The following TIMMDC1 variants were observed in gnomAD, a reference collection of about 807,000 sequenced individuals.
TIMMDC1 encodes translocase of inner mitochondrial membrane domain containing 1.
A neutral mutation model predicts 32.6 loss-of-function variants in TIMMDC1; 25 were observed. That is an observed-to-expected ratio of 0.77 (90% CI 0.56 to 1.07). TIMMDC1 has a LOEUF of 1.07. Among genes scored for constraint, TIMMDC1 ranks in the 50% least tolerant of loss-of-function variants. TIMMDC1 has a pLI of 0.00. For synonymous variants in TIMMDC1, 130 were observed against 127.6 expected (o/e 1.02, Z -0.13); for missense variants, 329 against 349.2 (o/e 0.94, Z 0.46).
intron 4 of TIMMDC1, among the ~76,000 whole-genome samples, chr3:119,507,989 A>AT (rs2081929008): frequency 6.6e-6 from 1 of 152,162 alleles, no homozygotes; most frequent in Admixed American, 6.6e-5. Context: ...GAGCAGTTGC[A>AT]TTTGGATATT....
intron 4 of TIMMDC1, among the ~76,000 whole-genome samples, chr3:119,505,484 G>A (rs1010867274): frequency 6.6e-6 from 1 of 152,042 alleles, no homozygotes; most frequent in South Asian, 2.1e-4. Flanking sequence ...TCCTGCCTCA[G>A]CCTCCCTAGT....
At chr3:119,505,279 A>G (rs2081910718) in intron 4 of TIMMDC1, among the ~76,000 whole-genome samples, 1 of 152,204 alleles carries the variant, frequency 6.6e-6, no homozygotes, top group Non-Finnish European at 1.5e-5. Context: ...TCAGAAAGGT[A>G]AGTTAACTGC....
intron 6 of TIMMDC1, among the ~76,000 whole-genome samples, chr3:119,521,616 C>T (rs950990723): frequency 2.6e-5 from 4 of 151,660 alleles, no homozygotes; most frequent in Non-Finnish European, 5.9e-5. Flanking sequence ...TCCCTTGAGC[C>T]CAGTAATTCA....
At chr3:119,518,791 C>T (rs971619361) in intron 6 of TIMMDC1, among the ~76,000 whole-genome samples, 1 of 152,084 alleles carries the variant, frequency 6.6e-6, no homozygotes, top group Non-Finnish European at 1.5e-5. Context: ...CCATTTACCT[C>T]CCCCCATCAG....
At position 119,498,930 on chromosome 3, in the gene TIMMDC1, A is replaced by G. The variant is rs754465442; in HGVS notation, c.194+3A>G. 33 of 1,613,812 alleles carry G rather than the reference A, an allele frequency of 2.0e-5. No individual in the cohort carries two copies. In the Admixed American group the frequency reaches 2.3e-4, roughly 11 times the overall value. Reference sequence around the variant, plus strand: ...CTCCGGGAGCTGTTTGGCAAAGAGTAAAAGTGCCTAGGGTGTGAAGTGGGG... The same window carrying G: ...CTCCGGGAGCTGTTTGGCAAAGAGTGAAAGTGCCTAGGGTGTGAAGTGGGG... On this transcript the variant is annotated splice_donor_region_variant and intron_variant, in intron 1 of 6. Coordinates refer to ENST00000494664, the MANE Select transcript of TIMMDC1 (RefSeq NM_016589.4).
intron 6 of TIMMDC1, among the ~76,000 whole-genome samples, chr3:119,522,454 C>T (rs1412237074): frequency 1.3e-5 from 2 of 152,038 alleles, no homozygotes; most frequent in African/African-American, 2.4e-5. Context: ...TTAATGAATA[C>T]AAAATTATAA....
intron 4 of TIMMDC1, 34 bp from the exon 5 acceptor site, chr3:119,513,607 A>G: frequency 2.7e-6 from 4 of 1,501,994 alleles, no homozygotes; most frequent in Non-Finnish European, 3.7e-6. Context: ...AGTTTTAAAG[A>G]TGATTTAATA....
chr3:119,511,738 C>T (rs936249549), intron 4 of TIMMDC1, among the ~76,000 whole-genome samples: 1 of 152,166 alleles, frequency 6.6e-6, no homozygotes, highest in African/African-American at 2.4e-5. Context: ...AAGGATAGCT[C>T]AGTTGAAGAC....
chr3:119,511,566 G>A (rs1267161209), intron 4 of TIMMDC1, among the ~76,000 whole-genome samples: 1 of 152,068 alleles, frequency 6.6e-6, no homozygotes, highest in Non-Finnish European at 1.5e-5. Context: ...GTATTTTTAA[G>A]CATAAGAACT....
chr3:119,519,344 A>G (rs886963260), intron 6 of TIMMDC1, among the ~76,000 whole-genome samples: 1 of 152,208 alleles, frequency 6.6e-6, no homozygotes, highest in Non-Finnish European at 1.5e-5. Context: ...AGACTCAACT[A>G]TATATACTGA....
chr3:119,511,803 C>T (rs1207705455), intron 4 of TIMMDC1, among the ~76,000 whole-genome samples: 1 of 152,060 alleles, frequency 6.6e-6, no homozygotes, highest in Admixed American at 6.5e-5. Flanking sequence ...AACTTGTAAA[C>T]CTAGGGAAAA....
In TIMMDC1 at chr3:119,498,606, T is replaced by G. The variant is rs1220098441; in HGVS notation, c.-128T>G. ...GACTGAAGGTGTGGGTGTCGAGCCC[T>G]CTGGCAGAGGGTTAACCTGGGTCAA... On this transcript the variant is annotated 5_prime_UTR_variant, in exon 1 of 7. Coordinates refer to ENST00000494664, the MANE Select transcript of TIMMDC1 (RefSeq NM_016589.4). 1 of 902,744 alleles carries G rather than the reference T, an allele frequency of 1.1e-6. No homozygotes were observed. The highest frequency in any genetic ancestry group is 1.7e-6 in the Non-Finnish European group (1 of 585,698). The allele number at this position is 902,744 out of a possible 1,614,324, so 55.9% of individuals were successfully genotyped here.
At chr3:119,510,494 T>C (rs1299986520) in intron 4 of TIMMDC1, among the ~76,000 whole-genome samples, 1 of 152,152 alleles carries the variant, frequency 6.6e-6, no homozygotes, top group Non-Finnish European at 1.5e-5. Context: ...AGCAAAGACA[T>C]TTCAGCAAAA....
chr3:119,521,615 C>T (rs1028109947), intron 6 of TIMMDC1, among the ~76,000 whole-genome samples: 5 of 151,678 alleles, frequency 3.3e-5, no homozygotes, highest in Admixed American at 6.6e-5. Flanking sequence ...ATCCCTTGAG[C>T]CCAGTAATTC....
chr3:119,515,260 C>T (rs1397842858), intron 5 of TIMMDC1, among the ~76,000 whole-genome samples: 2 of 151,812 alleles, frequency 1.3e-5, no homozygotes, highest in African/African-American at 4.8e-5. Flanking sequence ...CTTCCTTGTG[C>T]CTTGAGGTCT....
chr3:119,506,502 G>A (rs1207747983), intron 4 of TIMMDC1, among the ~76,000 whole-genome samples: 3 of 149,026 alleles, frequency 2.0e-5, no homozygotes, highest in African/African-American at 7.5e-5. Context: ...CTGGGCGACA[G>A]AGCGAGACCC....
chr3:119,500,626 T>C, intron 1 of TIMMDC1, 69 bp from the exon 2 acceptor site: 1 of 1,421,352 alleles, frequency 7.0e-7, no homozygotes, highest in Non-Finnish European at 9.6e-7. Flanking sequence ...TTAATTCTGA[T>C]TATAGAGTCT....
chr3:119,517,455 C>G, intron 6 of TIMMDC1, 140 bp downstream of exon 6: 1 of 591,568 alleles, frequency 1.7e-6, no homozygotes, highest in East Asian at 2.7e-5. Flanking sequence ...TCAACTCATA[C>G]TGTACATTGT....
At chr3:119,516,255 A>G (rs12695388) in intron 5 of TIMMDC1, among the ~76,000 whole-genome samples, 67,893 of 151,562 alleles carry the variant, frequency 0.45, 15,882 homozygotes, top group East Asian at 0.58. Flanking sequence ...TCCCCTCCCC[A>G]TACCCTCCAG....
Sources: gnomAD v4.1 joint callset for allele counts (sites outside exome capture counted in the v4.1 genomes callset) on GRCh38, gnomAD v4.1.1 for gene constraint, MANE v1.5 for transcripts, NCBI Gene and HGNC (gene_info 2026-07-23, HGNC 2026-07-21) for gene names.